The following STAU1 variants were observed in gnomAD, a reference collection of about 807,000 sequenced individuals.
STAU1 encodes the protein staufen double-stranded RNA binding protein 1, also known as double-stranded RNA-binding protein Staufen homolog 1.
STAU1 carries 13 observed loss-of-function variants against 62.9 expected under a neutral mutation model. The ratio of observed to expected loss-of-function variants is 0.21; its 90% CI spans 0.13 to 0.33. STAU1 has a LOEUF of 0.33. Ranked by LOEUF, STAU1 falls within the 10% of genes least tolerant of loss-of-function variation. The probability of loss-of-function intolerance (pLI) is 1.00; values close to 1 mark genes in which losing one functional copy is unlikely to be tolerated. For missense variants in STAU1, 571 were observed against 712.1 expected (o/e 0.80, Z 2.25); for synonymous variants, 269 against 265.1 (o/e 1.01, Z -0.14).
the STAU1 span, among the ~76,000 whole-genome samples, chr20:49,196,693 A>G: frequency 6.7e-6 from 1 of 150,344 alleles, no homozygotes; most frequent in East Asian, 2.0e-4. Flanking sequence ...GAAACCCAGG[A>G]GCCGGAGGCT....
chr20:49,204,606 A>G, the STAU1 span, among the ~76,000 whole-genome samples: 1 of 63,348 alleles, frequency 1.6e-5, no homozygotes, highest in Non-Finnish European at 3.2e-5. Context: ...ATATATATAT[A>G]TATATATATA....
intron 5 of STAU1, among the ~76,000 whole-genome samples, chr20:49,138,625 C>T (rs35649484): frequency 0.22 from 32,792 of 151,928 alleles, 3,637 homozygotes; most frequent in Non-Finnish European, 0.24. Flanking sequence ...TCTCACCCTC[C>T]TGAGTAGCTG....
chr20:49,164,956 C>T (rs1365980544), intron 3 of STAU1, among the ~76,000 whole-genome samples: 4 of 152,178 alleles, frequency 2.6e-5, no homozygotes, highest in Non-Finnish European at 2.9e-5. Context: ...TGGCTGCCCC[C>T]TTGCTTGGGA....
Position 49,129,166 on chromosome 20 carries a change from T to C in STAU1, c.610-4579A>G, listed in dbSNP as rs181723919. ...TAAACCTATATTTCATCAAAGAAAA[T>C]AGTAAAATAAAAACACGAAAAGAAG... On this transcript the variant is annotated intron_variant, in intron 6 of 13. Coordinates refer to ENST00000371856, the MANE Select transcript of STAU1 (RefSeq NM_017453.4). Among the ~76,000 whole-genome samples the C allele has an allele frequency of 2.4e-3, 368 of 150,254 alleles. 5 individuals carry two copies. The highest frequency in any genetic ancestry group is 8.6e-3 in the African/African-American group (351 of 40,798).
intron 5 of STAU1, among the ~76,000 whole-genome samples, chr20:49,138,063 T>C (rs1048906404): frequency 3.9e-5 from 6 of 152,242 alleles, no homozygotes; most frequent in Admixed American, 2.0e-4. Context: ...GGTGGGTGGA[T>C]TGCTTATGCC....
chr20:49,201,961 C>T, the STAU1 span, among the ~76,000 whole-genome samples: 5 of 151,576 alleles, frequency 3.3e-5, no homozygotes, highest in Non-Finnish European at 5.9e-5. Flanking sequence ...TGGCTCACGC[C>T]TGTAATCCCA....
At chr20:49,187,732 C>T (rs2093805704) in intron 1 of STAU1, among the ~76,000 whole-genome samples, 1 of 150,918 alleles carries the variant, frequency 6.6e-6, no homozygotes. Context: ...CCTGGGCCGG[C>T]GACACTGAGA....
chr20:49,118,186 T>G (rs1172170029), intron 10 of STAU1, 90 bp from the exon 11 acceptor site: 2 of 1,429,212 alleles, frequency 1.4e-6, no homozygotes, highest in African/African-American at 2.8e-5. Flanking sequence ...GGCCCTCCCC[T>G]TGGCACGCAT....
intron 6 of STAU1, chr20:49,134,821 C>G (rs968431447): frequency 1.4e-6 from 2 of 1,444,284 alleles, no homozygotes; most frequent in African/African-American, 2.8e-5. Context: ...TTCCACTTCA[C>G]GCAATTTATA....
chr20:49,118,460 G>A lies in STAU1; in HGVS notation c.1114-52C>T, dbSNP rs764873195. ...GGCCATGAGCATAAATCAGATCACTGAAAAATTAGCTCCTGCTGTCTAAAT... is the reference window on the plus strand; with the variant it reads ...GGCCATGAGCATAAATCAGATCACTAAAAAATTAGCTCCTGCTGTCTAAAT... On this transcript the variant is annotated intron_variant, in intron 9 of 13. Coordinates refer to ENST00000371856, the MANE Select transcript of STAU1 (RefSeq NM_017453.4). 102 of 1,386,928 alleles carry A rather than the reference G, an allele frequency of 7.4e-5. No individual in the cohort carries two copies. The East Asian group carries it at 2.3e-3, about 32-fold the overall frequency. The allele number at this position is 1,386,928 out of a possible 1,614,324, so 85.9% of individuals were successfully genotyped here.
the STAU1 span, among the ~76,000 whole-genome samples, chr20:49,207,706 G>C: frequency 2.0e-5 from 3 of 149,278 alleles, no homozygotes; most frequent in African/African-American, 7.4e-5. Flanking sequence ...TTTTTTAGTA[G>C]AGACAGGCTT....
At chr20:49,161,136 T>C (rs550442355) in intron 3 of STAU1, among the ~76,000 whole-genome samples, 14 of 151,074 alleles carry the variant, frequency 9.3e-5, no homozygotes, top group Admixed American at 2.7e-4. Context: ...CTGGGCAACA[T>C]AGTGAGACTT....
intron 1 of STAU1, among the ~76,000 whole-genome samples, chr20:49,181,818 G>A (rs1403696928): frequency 7.0e-6 from 1 of 142,212 alleles, no homozygotes; most frequent in Admixed American, 7.2e-5. Flanking sequence ...TCTAATGAAG[G>A]TTTAACCCTC....
chr20:49,209,438 T>TAAAAA, the STAU1 span, among the ~76,000 whole-genome samples: 1 of 119,124 alleles, frequency 8.4e-6, no homozygotes. Context: ...TCTGTACAGT[T>TAAAAA]AAAAAAAAAA....
chr20:49,155,247 A>C (rs2093340111), intron 3 of STAU1, among the ~76,000 whole-genome samples: 1 of 152,184 alleles, frequency 6.6e-6, no homozygotes, highest in Admixed American at 6.5e-5. Context: ...AGGCCCACAA[A>C]ATATTCAGGT....
At chr20:49,132,404 C>G (rs1308656755) in intron 6 of STAU1, among the ~76,000 whole-genome samples, 1 of 152,184 alleles carries the variant, frequency 6.6e-6, no homozygotes. Flanking sequence ...TCACAATTGT[C>G]TCCCGATGAC....
At chr20:49,212,177 C>T in the STAU1 span, among the ~76,000 whole-genome samples, 1 of 150,992 alleles carries the variant, frequency 6.6e-6, no homozygotes, top group Admixed American at 6.6e-5. Context: ...TTTGTAGAGA[C>T]AGGGTTTTGC....
chr20:49,199,625 T>G, the STAU1 span, among the ~76,000 whole-genome samples: 1 of 151,576 alleles, frequency 6.6e-6, no homozygotes. Flanking sequence ...CAGGCTGGAG[T>G]GCAGTGGTGC....
intron 1 of STAU1, among the ~76,000 whole-genome samples, chr20:49,186,337 C>T (rs1311208051): frequency 6.7e-6 from 1 of 149,438 alleles, no homozygotes; most frequent in Non-Finnish European, 1.5e-5. Flanking sequence ...CAGCGTGAGA[C>T]TGTCTCAAAA....
Sources: gnomAD v4.1 joint callset for allele counts (sites outside exome capture counted in the v4.1 genomes callset) on GRCh38, gnomAD v4.1.1 for gene constraint, MANE v1.5 for transcripts, NCBI Gene and HGNC (gene_info 2026-07-23, HGNC 2026-07-21) for gene names.